The following FMN2 variants were observed in gnomAD, a reference collection of about 807,000 sequenced individuals.
FMN2 encodes the protein formin 2, also known as formin-2.
FMN2 carries 51 observed loss-of-function variants against 142.3 expected under a neutral mutation model. The ratio of observed to expected loss-of-function variants is 0.36; its 90% CI spans 0.29 to 0.45. The LOEUF is 0.45. FMN2 is among the 20% of genes least tolerant of loss of function. The pLI is 1.00. For synonymous variants in FMN2, 882 were observed against 869.8 expected (o/e 1.01, Z -0.25); for missense variants, 1,936 against 2,122.8 (o/e 0.91, Z 1.73).
chr1:240,222,014 A>T (rs1371695873), intron 6 of FMN2, among the ~76,000 whole-genome samples: 5 of 129,752 alleles, frequency 3.9e-5, no homozygotes, highest in East Asian at 2.2e-4. Flanking sequence ...CACCCAGCTA[A>T]TTTTTTTTTT....
chr1:240,093,063 C>G lies in FMN2; in HGVS notation c.954C>G (p.Pro318=), dbSNP rs1661056850. The G allele has an allele frequency of 5.0e-6, 7 of 1,394,352 alleles. No individual in the cohort carries two copies. The highest frequency in any genetic ancestry group is 5.5e-6 in the Non-Finnish European group (6 of 1,084,056). 86.4% of individuals were successfully genotyped at this position (1,394,352 alleles called of 1,614,324 possible). A position where few individuals can be genotyped will look rare whatever the true frequency, so the allele number is the denominator to read the frequency against. The change falls in exon 1 of 18, where the codon CCC becomes CCG. Residue 318 remains proline, a synonymous_variant. Coordinates refer to ENST00000319653, the MANE Select transcript of FMN2 (RefSeq NM_020066.5). ...PAAQPAAKDS[P]SSTAFPFPEA... ...CGCAACCCGCGGCCAAAGACTCGCC[C>G]TCCTCCACGGCTTTCCCATTTCCCG...
intron 7 of FMN2, among the ~76,000 whole-genome samples, chr1:240,286,641 T>C (rs1358274561): frequency 1.3e-5 from 2 of 152,210 alleles, no homozygotes; most frequent in Non-Finnish European, 1.5e-5. Context: ...AATATGTTTT[T>C]ACTATAGCTT....
At position 240,329,077 on chromosome 1, in the gene FMN2, G is replaced by C; in HGVS notation, c.4217G>C (p.Arg1406Thr). The C allele has an allele frequency of 1.9e-6, 3 of 1,613,896 alleles. No individual in the cohort carries two copies. Among genetic ancestry groups the C allele is most frequent in the South Asian group, 1.1e-5 (1 of 91,070 alleles). The stretch of plus-strand genomic sequence containing the variant: ...ACTATTTGGTTTTTGTTTTTCTAGA[G>C]AGCACAGTCAGACGAACTCGAAAAA... Reference protein sequence around the residue: ...LETLQALYENRAQSDELEKIE... With the variant: ...LETLQALYENTAQSDELEKIE... Residue 1406 changes from arginine (R) to threonine (T), a missense_variant and splice_region_variant, in exon 9 of 18, where the codon AGA (arginine) becomes ACA (threonine). Arg to Thr is a moderately conservative substitution (Grantham distance 71). This residue lies in a region of FMN2 where 322 missense variants were observed against 401.6 expected (regional missense o/e 0.80). Transcript: ENST00000319653.
intron 7 of FMN2, among the ~76,000 whole-genome samples, chr1:240,268,136 G>C (rs2102914877): frequency 6.6e-6 from 1 of 152,150 alleles, no homozygotes; most frequent in Admixed American, 6.6e-5. Context: ...TCATTACTGG[G>C]TATATATCTA....
At chr1:240,247,897 TGAA>T (rs1406603726) in intron 6 of FMN2, among the ~76,000 whole-genome samples, 1 of 152,228 alleles carries the variant, frequency 6.6e-6, no homozygotes, top group Non-Finnish European at 1.5e-5. Flanking sequence ...TGCGTGGTGA[TGAA>T]GTCTGGATAT....
intron 14 of FMN2, among the ~76,000 whole-genome samples, chr1:240,380,971 C>G (rs1429263140): frequency 6.6e-6 from 1 of 151,992 alleles, no homozygotes; most frequent in African/African-American, 2.4e-5. Context: ...TGCCCACAAA[C>G]TAGAAAACTT....
At chr1:240,359,762 A>C (rs1672397958) in intron 14 of FMN2, among the ~76,000 whole-genome samples, 1 of 152,216 alleles carries the variant, frequency 6.6e-6, no homozygotes, top group Admixed American at 6.5e-5. Flanking sequence ...CCTTGAGAGA[A>C]TTGAGAATAT....
chr1:240,399,860 C>T (rs74151661), intron 15 of FMN2, among the ~76,000 whole-genome samples: 311 of 152,282 alleles, frequency 2.0e-3, no homozygotes, highest in South Asian at 0.02. Context: ...CCTTCTTACA[C>T]AGCAGGAGTG....
chr1:240,278,217 A>G (rs1558408218), intron 7 of FMN2, among the ~76,000 whole-genome samples: 1 of 152,138 alleles, frequency 6.6e-6, no homozygotes, highest in Non-Finnish European at 1.5e-5. Context: ...GTCTGGAATG[A>G]GCATTTGTAG....
chr1:240,363,590 C>T (rs1312400271), intron 14 of FMN2, among the ~76,000 whole-genome samples: 1 of 152,164 alleles, frequency 6.6e-6, no homozygotes, highest in African/African-American at 2.4e-5. Flanking sequence ...CGTGTGCATG[C>T]ATGTGCAAAT....
At chr1:240,471,019 G>A (rs1676788583) in intron 16 of FMN2, among the ~76,000 whole-genome samples, 1 of 152,174 alleles carries the variant, frequency 6.6e-6, no homozygotes, top group African/African-American at 2.4e-5. Flanking sequence ...CACTCTGTGA[G>A]GGAATAGGGA....
chr1:240,187,775 T>C (rs1206175913), intron 3 of FMN2, among the ~76,000 whole-genome samples: 2 of 152,194 alleles, frequency 1.3e-5, no homozygotes, highest in East Asian at 3.8e-4. Flanking sequence ...TTATCTCTTG[T>C]TGAAATCAAG....
chr1:240,320,371 A>G (rs576437408), intron 8 of FMN2, among the ~76,000 whole-genome samples: 2 of 152,336 alleles, frequency 1.3e-5, no homozygotes, highest in African/African-American at 2.4e-5. Flanking sequence ...GTATTTGGCC[A>G]TAAGGAAGAA....
intron 2 of FMN2, chr1:240,144,984 T>C (rs534188136): frequency 5.2e-5 from 67 of 1,283,042 alleles, no homozygotes; most frequent in Admixed American, 1.0e-4. Flanking sequence ...CTCATGGTCA[T>C]GGCCAAAACA....
intron 1 of FMN2, among the ~76,000 whole-genome samples, chr1:240,095,516 C>A (rs1490096805): frequency 6.6e-6 from 1 of 152,034 alleles, no homozygotes; most frequent in African/African-American, 2.4e-5. Context: ...ATGATTTTGC[C>A]TTTCTAAGGC....
chr1:240,383,762 A>G (rs1673307846), intron 14 of FMN2, among the ~76,000 whole-genome samples: 1 of 152,084 alleles, frequency 6.6e-6, no homozygotes, highest in East Asian at 1.9e-4. Context: ...AAAGAGAAGA[A>G]ATCATTGTGT....
intron 6 of FMN2, among the ~76,000 whole-genome samples, chr1:240,255,661 A>G (rs1668430613): frequency 6.6e-6 from 1 of 152,134 alleles, no homozygotes; most frequent in South Asian, 2.1e-4. Context: ...AGGTGGATGA[A>G]GAATAGTGGT....
At chr1:240,456,865 T>C (rs1445584141) in intron 16 of FMN2, among the ~76,000 whole-genome samples, 1 of 152,180 alleles carries the variant, frequency 6.6e-6, no homozygotes, top group Admixed American at 6.5e-5. Context: ...CTTATTCTGC[T>C]CTCTCTAGAA....
intron 16 of FMN2, among the ~76,000 whole-genome samples, chr1:240,466,403 A>C (rs1216982803): frequency 6.6e-6 from 1 of 152,192 alleles, no homozygotes; most frequent in Non-Finnish European, 1.5e-5. Flanking sequence ...TACATTTACA[A>C]CTTTATTTTT....
Sources: allele counts gnomAD v4.1 joint callset (sites outside exome capture counted in the v4.1 genomes callset), GRCh38; gene constraint gnomAD v4.1.1; regional missense constraint gnomAD v4.1.1; transcripts MANE v1.5; gene names NCBI Gene and HGNC (gene_info 2026-07-23, HGNC 2026-07-21).